Variants in SLC36A1 observed in about 807,000 individuals in gnomAD.
The protein encoded by SLC36A1 is solute carrier family 36 member 1.
Under a neutral mutation model 47.5 loss-of-function variants are expected in SLC36A1, and 30 were observed. The observed-to-expected ratio is 0.63, with a 90% CI of 0.47 to 0.86. The LOEUF (loss-of-function observed/expected upper bound fraction) is 0.86, where lower values mean the gene tolerates loss of function less well. SLC36A1 is among the 40% of genes least tolerant of loss of function. The probability of loss-of-function intolerance (pLI) is 0.00; values close to 1 mark genes in which losing one functional copy is unlikely to be tolerated. For missense variants in SLC36A1, 517 were observed against 606.0 expected (o/e 0.85, Z 1.54); for synonymous variants, 255 against 249.7 (o/e 1.02, Z -0.20).
At chr5:151,356,847 G>A in the SLC36A1 span, among the ~76,000 whole-genome samples, 1 of 152,062 alleles carries the variant, frequency 6.6e-6, no homozygotes. Flanking sequence ...CCTTCAACCT[G>A]CTCATGATTT....
chr5:151,463,177 G>A (rs1755809117), intron 2 of SLC36A1, among the ~76,000 whole-genome samples: 1 of 152,172 alleles, frequency 6.6e-6, no homozygotes, highest in Non-Finnish European at 1.5e-5. Flanking sequence ...GCCTGGCCAG[G>A]TCTGAGCCTT....
the SLC36A1 span, chr5:151,503,953 A>G: frequency 3.9e-5 from 6 of 152,180 alleles, no homozygotes; most frequent in Non-Finnish European, 4.4e-5. Context: ...TGGGATAGGT[A>G]ATGTTGCCAG....
At chr5:151,510,184 AAAG>A in the SLC36A1 span, 6,480 of 1,613,838 alleles carry the variant, frequency 4.0e-3, 36 homozygotes, top group South Asian at 0.011. Flanking sequence ...CCTAGGAGAA[AAAG>A]AAGGGAGGTG....
the SLC36A1 span, chr5:151,545,413 T>C: frequency 9.9e-6 from 16 of 1,614,196 alleles, no homozygotes; most frequent in Non-Finnish European, 1.3e-5. Flanking sequence ...TTTGATGCTA[T>C]AATTGACTTC....
upstream of SLC36A1, among the ~76,000 whole-genome samples, chr5:151,434,035 G>T (rs1759624731): frequency 1.3e-5 from 2 of 152,226 alleles, no homozygotes; most frequent in South Asian, 4.1e-4. Flanking sequence ...AATACCTCCA[G>T]CCCAGAATGT....
intron 7 of SLC36A1, among the ~76,000 whole-genome samples, chr5:151,472,201 C>T (rs1296127425): frequency 2.6e-5 from 4 of 152,222 alleles, no homozygotes; most frequent in African/African-American, 9.6e-5. Context: ...GAAGCCAGTC[C>T]AAGTCCCAAA....
chr5:151,381,098 A>G, the SLC36A1 span: 2 of 492,338 alleles, frequency 4.1e-6, no homozygotes, highest in African/African-American at 2.0e-5. Context: ...CCATGTCACC[A>G]CCTCTGCCAT....
chr5:151,376,023 G>C, the SLC36A1 span, among the ~76,000 whole-genome samples: 1 of 152,024 alleles, frequency 6.6e-6, no homozygotes, highest in African/African-American at 2.4e-5. Flanking sequence ...AGGACTTCCA[G>C]TACCATGTTG....
chr5:151,427,082 A>C, the SLC36A1 span, among the ~76,000 whole-genome samples: 1 of 152,042 alleles, frequency 6.6e-6, no homozygotes, highest in Non-Finnish European at 1.5e-5. Flanking sequence ...GGAGTTTTTT[A>C]TGTCTTCTTT....
chr5:151,467,411 AT>A, intron 6 of SLC36A1, 128 bp downstream of exon 6: 1 of 698,050 alleles, frequency 1.4e-6, no homozygotes, highest in Non-Finnish European at 2.4e-6. Flanking sequence ...AAGTTTTCAT[AT>A]TTTACATAGA....
chr5:151,536,996 T>TC, the SLC36A1 span, among the ~76,000 whole-genome samples: 1 of 152,122 alleles, frequency 6.6e-6, no homozygotes, highest in South Asian at 2.1e-4. Flanking sequence ...GAGTGCCCTT[T>TC]CCCCCACTCT....
chr5:151,467,385 G>C, intron 6 of SLC36A1, 102 bp downstream of exon 6: 1 of 808,366 alleles, frequency 1.2e-6, no homozygotes. Flanking sequence ...ATCAGCTTTT[G>C]TCAACAAAAG....
chr5:151,480,177 G>A, intron 10 of SLC36A1: 1 of 856,290 alleles, frequency 1.2e-6, no homozygotes, highest in Non-Finnish European at 1.6e-6. Context: ...GAGAACCCCT[G>A]AGCAAATCGG....
At chr5:151,479,048 A>G (rs555158044) in intron 9 of SLC36A1, among the ~76,000 whole-genome samples, 1 of 152,188 alleles carries the variant, frequency 6.6e-6, no homozygotes, top group African/African-American at 2.4e-5. Context: ...CGATTTACCT[A>G]TCGAGTTCCC....
the SLC36A1 span, chr5:151,554,297 T>G: frequency 6.8e-7 from 1 of 1,468,860 alleles, no homozygotes; most frequent in Non-Finnish European, 9.3e-7. Flanking sequence ...TCCTCCTGAA[T>G]TCTCAAAGAA....
intron 1 of SLC36A1, among the ~76,000 whole-genome samples, chr5:151,455,079 A>G (rs1157594950): frequency 6.6e-6 from 1 of 152,034 alleles, no homozygotes; most frequent in Non-Finnish European, 1.5e-5. Flanking sequence ...AGAACACATT[A>G]TCTGGCAATT....
the SLC36A1 span, among the ~76,000 whole-genome samples, chr5:151,359,003 A>C: frequency 6.6e-6 from 1 of 151,390 alleles, no homozygotes; most frequent in East Asian, 1.9e-4. Flanking sequence ...AAAAAAAAAA[A>C]AAAAGTGTTG....
the SLC36A1 span, chr5:151,544,360 G>T: frequency 6.2e-7 from 1 of 1,614,180 alleles, no homozygotes; most frequent in Non-Finnish European, 8.5e-7. Context: ...TTCCACTGTG[G>T]CTTCAGAAAA....
rs766720871 is a variant in SLC36A1, at chr5:151,467,712, A to G, written c.510A>G (p.Ile170Met). The G allele has an allele frequency of 1.7e-5, 28 of 1,613,760 alleles. No homozygotes were observed. In the South Asian group the frequency reaches 2.5e-4, roughly 15 times the overall value. The change falls in exon 7 of 11, where the codon ATA becomes ATG. Residue 170 changes from isoleucine to methionine, a missense_variant. Coordinates refer to ENST00000243389, the MANE Select transcript of SLC36A1 (RefSeq NM_078483.4). ...CTTCCTTCCCCTCATTCTAGGTGAT[A>G]GAAGCGGCCAATGGGACCACCAATA... The part of the protein sequence containing the change: ...VFLADNFKQV[I>M]EAANGTTNNC...
Sources: gnomAD v4.1 joint callset for allele counts (sites outside exome capture counted in the v4.1 genomes callset) on GRCh38, gnomAD v4.1.1 for gene constraint, MANE v1.5 for transcripts, NCBI Gene and HGNC (gene_info 2026-07-23, HGNC 2026-07-21) for gene names.